The following RTN4 variants were observed in gnomAD, a reference collection of about 807,000 sequenced individuals.
The protein encoded by RTN4 is reticulon 4.
Under a neutral mutation model 90.4 loss-of-function variants are expected in RTN4, and 32 were observed. The observed-to-expected ratio is 0.35, with a 90% CI of 0.27 to 0.48. RTN4 has a LOEUF of 0.48. RTN4 is among the 20% of genes least tolerant of loss of function. The pLI, the probability that RTN4 is intolerant of heterozygous loss-of-function variation, is 0.99. For synonymous variants in RTN4, 629 were observed against 552.5 expected, an observed-to-expected ratio of 1.14 and a Z score of -1.94; for missense variants, 1,706 against 1,430.2, an observed-to-expected ratio of 1.19 and a Z score of -3.11.
chr2:55,078,675 G>C (rs912512244), intron 2 of RTN4, among the ~76,000 whole-genome samples: 1 of 152,144 alleles, frequency 6.6e-6, no homozygotes, highest in African/African-American at 2.4e-5. Flanking sequence ...ACTTTCAAAA[G>C]ATTTACTGAC....
At chr2:55,137,539 G>C in the RTN4 span, among the ~76,000 whole-genome samples, 1 of 152,120 alleles carries the variant, frequency 6.6e-6, no homozygotes, top group Non-Finnish European at 1.5e-5. Context: ...ATGTGGAAGG[G>C]CTGGATTCTG....
intron 2 of RTN4, chr2:55,060,777 T>A (rs897958343): frequency 1.3e-5 from 2 of 152,124 alleles, no homozygotes; most frequent in Non-Finnish European, 2.9e-5. Context: ...AAAAATTAGC[T>A]AGCATGGTGG....
chr2:55,081,941 T>C (rs554826281), intron 1 of RTN4, among the ~76,000 whole-genome samples: 3 of 152,290 alleles, frequency 2.0e-5, no homozygotes, highest in Non-Finnish European at 4.4e-5. Flanking sequence ...AATTCATTTT[T>C]ATCAAATATG....
intron 1 of RTN4, among the ~76,000 whole-genome samples, chr2:55,102,630 C>T (rs1370282377): frequency 6.6e-6 from 1 of 151,996 alleles, no homozygotes; most frequent in African/African-American, 2.4e-5. Context: ...AACTGCCAGT[C>T]CCTGCTAATA....
At chr2:54,988,281 C>A (rs1678732005) in intron 3 of RTN4, among the ~76,000 whole-genome samples, 1 of 152,196 alleles carries the variant, frequency 6.6e-6, no homozygotes, top group African/African-American at 2.4e-5. Context: ...TGCACCTCTG[C>A]ACTCCAGAAT....
intron 1 of RTN4, among the ~76,000 whole-genome samples, chr2:55,047,540 G>C (rs1303075847): frequency 6.8e-6 from 1 of 146,968 alleles, no homozygotes; most frequent in Non-Finnish European, 1.5e-5. Context: ...CATCGCAATT[G>C]GCTTATTTTC....
intron 3 of RTN4, among the ~76,000 whole-genome samples, chr2:55,016,670 T>C (rs1035524372): frequency 6.6e-6 from 1 of 152,230 alleles, no homozygotes; most frequent in African/African-American, 2.4e-5. Flanking sequence ...TATGTCTGGG[T>C]AATATGATTA....
At chr2:55,076,995 C>T (rs982564107) in intron 2 of RTN4, among the ~76,000 whole-genome samples, 1 of 144,794 alleles carries the variant, frequency 6.9e-6, no homozygotes, top group South Asian at 2.2e-4. Flanking sequence ...TTATAAATTG[C>T]CCAGTCTCAG....
At chr2:55,017,566 C>T (rs138074323) in intron 3 of RTN4, among the ~76,000 whole-genome samples, 3 of 152,186 alleles carry the variant, frequency 2.0e-5, no homozygotes, top group Middle Eastern at 3.4e-3. Context: ...ATTTCGATTA[C>T]GAACTAAAAA....
chr2:55,122,943 G>T, the RTN4 span, among the ~76,000 whole-genome samples: 3 of 152,196 alleles, frequency 2.0e-5, no homozygotes, highest in African/African-American at 7.2e-5. Flanking sequence ...TGTACACATG[G>T]ACATTGCAAT....
At chr2:55,111,073 C>G (rs1389462147) in intron 1 of RTN4, among the ~76,000 whole-genome samples, 1 of 152,014 alleles carries the variant, frequency 6.6e-6, no homozygotes, top group Non-Finnish European at 1.5e-5. Flanking sequence ...TAATGTATCT[C>G]CGCATGGGGG....
At chr2:54,999,403 T>G (rs17046573) in intron 3 of RTN4, among the ~76,000 whole-genome samples, 2 of 152,134 alleles carry the variant, frequency 1.3e-5, no homozygotes, top group Admixed American at 1.3e-4. Flanking sequence ...TCAAATCAAA[T>G]TCTTACATTC....
intron 1 of RTN4, among the ~76,000 whole-genome samples, chr2:55,089,404 G>C (rs190834957): frequency 6.6e-6 from 1 of 152,112 alleles, no homozygotes; most frequent in African/African-American, 2.4e-5. Flanking sequence ...GCTAGAGCAG[G>C]GTCTCTGTTC....
intron 1 of RTN4, among the ~76,000 whole-genome samples, chr2:55,034,952 T>C (rs1682574299): frequency 3.9e-5 from 6 of 152,186 alleles, no homozygotes; most frequent in Admixed American, 3.3e-4. Flanking sequence ...TGAGAATGCA[T>C]TCTGTAATCC....
intron 1 of RTN4, among the ~76,000 whole-genome samples, chr2:55,106,478 C>A (rs564895236): frequency 6.6e-6 from 1 of 152,164 alleles, no homozygotes; most frequent in Non-Finnish European, 1.5e-5. Context: ...GTGATAATGA[C>A]AAATTTCTAG....
At chr2:55,040,334 T>C (rs1682985866) in intron 1 of RTN4, among the ~76,000 whole-genome samples, 1 of 152,158 alleles carries the variant, frequency 6.6e-6, no homozygotes, top group Admixed American at 6.6e-5. Context: ...AAGGGATTTA[T>C]AACACAGATA....
intron 1 of RTN4, among the ~76,000 whole-genome samples, chr2:55,081,862 CAAAAAAAA>C (rs71410421): frequency 9.5e-6 from 1 of 105,414 alleles, no homozygotes; most frequent in South Asian, 3.3e-4. Flanking sequence ...GACCCTGTCT[CAAAAAAAA>C]AAAAAAAAAA....
At chr2:55,115,823 A>G (rs907917915), upstream of RTN4, among the ~76,000 whole-genome samples, 1 of 152,202 alleles carries the variant, frequency 6.6e-6, no homozygotes, top group Non-Finnish European at 1.5e-5. Context: ...GTGTGCTGCT[A>G]TGAAACTACT....
At chr2:55,028,285 A>T in intron 1 of RTN4, 65 bp from the exon 2 acceptor site, 1 of 1,427,524 alleles carries the variant, frequency 7.0e-7, no homozygotes, top group Admixed American at 1.9e-5. Context: ...ACTAAAGATA[A>T]GAGGAGCAAG....
Sources: allele counts gnomAD v4.1 joint callset (sites outside exome capture counted in the v4.1 genomes callset), GRCh38; gene constraint gnomAD v4.1.1; transcripts MANE v1.5; gene names NCBI Gene and HGNC (gene_info 2026-07-23, HGNC 2026-07-21).